Variants in CIB4 observed in about 807,000 individuals in gnomAD.
CIB4 encodes calcium and integrin-binding family member 4.
Under a neutral mutation model 25.8 loss-of-function variants are expected in CIB4, and 25 were observed. The observed-to-expected ratio is 0.97, with a 90% CI of 0.71 to 1.35. CIB4 has a LOEUF of 1.35. Ranked by LOEUF, CIB4 falls within the 40% of genes most tolerant of loss-of-function variation. The probability of loss-of-function intolerance (pLI) is 0.00; values close to 1 mark genes in which losing one functional copy is unlikely to be tolerated. For missense variants in CIB4, 235 were observed against 228.2 expected (o/e 1.03, Z -0.19); for synonymous variants, 75 against 81.4 (o/e 0.92, Z 0.42).
At chr2:26,590,258 TAA>T (rs869097756) in intron 4 of CIB4, among the ~76,000 whole-genome samples, 2 of 61,824 alleles carry the variant, frequency 3.2e-5, no homozygotes, top group African/African-American at 7.3e-5. Flanking sequence ...CAAGCATCTG[TAA>T]AAAAAAAAAA....
At chr2:26,605,590 A>G (rs1260730420) in intron 3 of CIB4, 2 of 470,358 alleles carry the variant, frequency 4.3e-6, no homozygotes, top group African/African-American at 2.0e-5. Flanking sequence ...CTGGGTCTGA[A>G]CCAGGATTCA....
chr2:26,602,282 C>T (rs867482324), intron 3 of CIB4, among the ~76,000 whole-genome samples: 16 of 152,112 alleles, frequency 1.1e-4, no homozygotes, highest in African/African-American at 3.9e-4. Flanking sequence ...TGACCAGGTA[C>T]GTAGTCTAAA....
At chr2:26,602,120 T>G (rs1009959868) in intron 3 of CIB4, among the ~76,000 whole-genome samples, 1 of 152,148 alleles carries the variant, frequency 6.6e-6, no homozygotes, top group East Asian at 1.9e-4. Context: ...CTTTACTGGA[T>G]GCAAATCAAA....
At chr2:26,629,376 G>T (rs1395410233) in intron 3 of CIB4, 34 bp downstream of exon 3, 22 of 1,242,856 alleles carry the variant, frequency 1.8e-5, no homozygotes, top group Non-Finnish European at 2.3e-5. Flanking sequence ...TCCCACTGAT[G>T]CTGCCCTTGC....
At chr2:26,625,242 C>A (rs899244264) in intron 3 of CIB4, among the ~76,000 whole-genome samples, 1 of 152,026 alleles carries the variant, frequency 6.6e-6, no homozygotes, top group Non-Finnish European at 1.5e-5. Flanking sequence ...CTGTGCATAG[C>A]GCTGGCAGTT....
At chr2:26,597,801 G>T (rs1483168049) in intron 3 of CIB4, among the ~76,000 whole-genome samples, 2 of 151,624 alleles carry the variant, frequency 1.3e-5, no homozygotes, top group African/African-American at 4.8e-5. Flanking sequence ...CTCATCTCAC[G>T]GATGTGGAAA....
chr2:26,635,838 T>G (rs1669522131), intron 2 of CIB4, among the ~76,000 whole-genome samples: 1 of 152,178 alleles, frequency 6.6e-6, no homozygotes, highest in Admixed American at 6.5e-5. Context: ...GCCCTTTATT[T>G]CATAAGAGCA....
chr2:26,606,892 G>A (rs1222630620), intron 3 of CIB4, among the ~76,000 whole-genome samples: 2 of 152,138 alleles, frequency 1.3e-5, no homozygotes, highest in Non-Finnish European at 2.9e-5. Flanking sequence ...GTGTCCTGCC[G>A]GCAGCTGGAG....
intron 3 of CIB4, among the ~76,000 whole-genome samples, chr2:26,598,954 G>C (rs1346331400): frequency 2.0e-5 from 3 of 151,850 alleles, no homozygotes; most frequent in Non-Finnish European, 4.4e-5. Flanking sequence ...AGAAGGGGAA[G>C]CTGAAAGAGC....
At position 26,597,790 on chromosome 2, in the gene CIB4, G is replaced by A. The variant is rs1668707841; in HGVS notation, c.187-2473C>T. Among the ~76,000 whole-genome samples, 4 of 151,786 alleles carry A rather than the reference G, an allele frequency of 2.6e-5. No individual in the cohort carries two copies. The South Asian group carries it at 8.3e-4, about 31-fold the overall frequency. On this transcript the variant is annotated intron_variant, in intron 3 of 6. Coordinates refer to ENST00000288861, the MANE Select transcript of CIB4 (RefSeq NM_001029881.3). ...GGGGATTTGTGATCTAGGCTAACCT[G>A]CTCATCTCACGGATGTGGAAATGAG...
At chr2:26,585,216 G>A (rs900623224) in intron 4 of CIB4, among the ~76,000 whole-genome samples, 1 of 151,404 alleles carries the variant, frequency 6.6e-6, no homozygotes, top group African/African-American at 2.5e-5. Context: ...CCACCAGCGG[G>A]CAGAGACCGA....
intron 3 of CIB4, among the ~76,000 whole-genome samples, chr2:26,621,564 A>C (rs916748238): frequency 4.6e-5 from 7 of 152,302 alleles, no homozygotes; most frequent in African/African-American, 7.2e-5. Flanking sequence ...GTAAATTATC[A>C]GTCAAGTATG....
chr2:26,606,305 A>G (rs1668888895), intron 3 of CIB4, among the ~76,000 whole-genome samples: 2 of 152,212 alleles, frequency 1.3e-5, no homozygotes, highest in South Asian at 4.1e-4. Context: ...AAGTGCTATG[A>G]CAAGAGCTAG....
Position 26,595,160 on chromosome 2 carries a change from C to G in CIB4, c.328+16G>C. On this transcript the variant is annotated intron_variant, in intron 4 of 6. Coordinates refer to ENST00000288861, the MANE Select transcript of CIB4 (RefSeq NM_001029881.3). ...GCCTTTCCACCCCTCACCCCTCAGT[C>G]CCCCACAGCACCTACCATAGATGCG... 1 of 1,598,432 alleles carries G rather than the reference C, an allele frequency of 6.3e-7. No homozygotes were observed. Among genetic ancestry groups the G allele is most frequent in the South Asian group, 1.1e-5 (1 of 90,548 alleles).
intron 3 of CIB4, among the ~76,000 whole-genome samples, chr2:26,619,341 G>A (rs999915869): frequency 2.0e-5 from 3 of 152,154 alleles, no homozygotes; most frequent in Admixed American, 2.0e-4. Flanking sequence ...AGGCTCTCAG[G>A]ACACCAGCCT....
chr2:26,623,693 C>T (rs1669247275), intron 3 of CIB4: 1 of 360,758 alleles, frequency 2.8e-6, no homozygotes, highest in Admixed American at 2.9e-5. Context: ...TATGCGAAGA[C>T]CATCTGCCAG....
chr2:26,630,796 GTGTT>G (rs1204878812), intron 2 of CIB4, among the ~76,000 whole-genome samples: 2 of 152,126 alleles, frequency 1.3e-5, no homozygotes, highest in African/African-American at 4.8e-5. Context: ...GTAGGTAAGA[GTGTT>G]TGTGTTACCC....
chr2:26,590,761 C>G (rs1300869082), intron 4 of CIB4, among the ~76,000 whole-genome samples: 1 of 152,148 alleles, frequency 6.6e-6, no homozygotes, highest in East Asian at 1.9e-4. Context: ...ATTTATGAGC[C>G]CCTGAGCATC....
At chr2:26,598,767 C>A (rs1031812082) in intron 3 of CIB4, among the ~76,000 whole-genome samples, 1 of 152,172 alleles carries the variant, frequency 6.6e-6, no homozygotes, top group African/African-American at 2.4e-5. Flanking sequence ...GGTTATGAGC[C>A]CCCCTGAGAC....
Sources: gnomAD v4.1 joint callset for allele counts (sites outside exome capture counted in the v4.1 genomes callset) on GRCh38, gnomAD v4.1.1 for gene constraint, MANE v1.5 for transcripts, NCBI Gene and HGNC (gene_info 2026-07-23, HGNC 2026-07-21) for gene names.